PGCKA1: variants seen among roughly 807,000 people sequenced by gnomAD.
PGCKA1 encodes PDCD10 and GCKIII kinases-associated protein 1.
At chr4:37,464,442 C>T in the PGCKA1 span, among the ~76,000 whole-genome samples, 26,302 of 152,150 alleles carry the variant, frequency 0.17, 2,410 homozygotes, top group South Asian at 0.2. Flanking sequence ...GGGACGCTAA[C>T]TACTTCCTCT....
the PGCKA1 span, among the ~76,000 whole-genome samples, chr4:37,493,484 G>A: frequency 6.6e-6 from 1 of 152,118 alleles, no homozygotes; most frequent in Non-Finnish European, 1.5e-5. Flanking sequence ...AGGTGATAGA[G>A]GATTTGTAAC....
At chr4:37,544,314 G>A in the PGCKA1 span, among the ~76,000 whole-genome samples, 58,573 of 151,866 alleles carry the variant, frequency 0.39, 11,718 homozygotes, top group South Asian at 0.47. Context: ...AGTGATGTAT[G>A]TTGATTTTGA....
At chr4:37,463,314 C>T in the PGCKA1 span, among the ~76,000 whole-genome samples, 2 of 152,140 alleles carry the variant, frequency 1.3e-5, no homozygotes, top group African/African-American at 2.4e-5. Context: ...ATGTGACAAA[C>T]GCATTTAATG....
chr4:37,467,944 ACT>A, the PGCKA1 span, among the ~76,000 whole-genome samples: 3 of 152,088 alleles, frequency 2.0e-5, no homozygotes, highest in Non-Finnish European at 4.4e-5. Flanking sequence ...CTTACACAGC[ACT>A]CTCAGGAGCT....
At chr4:37,560,291 C>T in the PGCKA1 span, among the ~76,000 whole-genome samples, 1 of 152,190 alleles carries the variant, frequency 6.6e-6, no homozygotes, top group Non-Finnish European at 1.5e-5. Flanking sequence ...CCTTAGCCAA[C>T]CTCTTGGCCA....
At chr4:37,587,528 T>G in the PGCKA1 span, among the ~76,000 whole-genome samples, 1 of 152,164 alleles carries the variant, frequency 6.6e-6, no homozygotes, top group Non-Finnish European at 1.5e-5. Flanking sequence ...GCAGCATCCC[T>G]GGAAATTCAC....
At chr4:37,511,781 A>G in the PGCKA1 span, among the ~76,000 whole-genome samples, 2 of 152,124 alleles carry the variant, frequency 1.3e-5, no homozygotes, top group African/African-American at 4.8e-5. Flanking sequence ...TGGGTAGGGT[A>G]CTGGTCAGAG....
the PGCKA1 span, among the ~76,000 whole-genome samples, chr4:37,508,691 T>TTTTTTTTTTTTTTTA: frequency 7.2e-6 from 1 of 138,322 alleles, no homozygotes; most frequent in African/African-American, 2.7e-5. Flanking sequence ...ATCTTTTTTT[T>TTTTTTTTTTTTTTTA]AGTATTTATT....
chr4:37,557,832 G>A, the PGCKA1 span, among the ~76,000 whole-genome samples: 4 of 152,164 alleles, frequency 2.6e-5, no homozygotes, highest in African/African-American at 9.7e-5. Flanking sequence ...CAGGAGCTGG[G>A]CTGCAAACCC....
At chr4:37,562,978 T>A in the PGCKA1 span, among the ~76,000 whole-genome samples, 7,202 of 152,252 alleles carry the variant, frequency 0.047, 645 homozygotes, top group African/African-American at 0.16. Context: ...CCGTGCTCAG[T>A]CTTTCCAAGT....
chr4:37,528,318 C>T, the PGCKA1 span, among the ~76,000 whole-genome samples: 6 of 152,208 alleles, frequency 3.9e-5, no homozygotes, highest in Non-Finnish European at 7.3e-5. Context: ...GTAATCACGA[C>T]ATCTAGTGCT....
At chr4:37,583,605 T>A in the PGCKA1 span, among the ~76,000 whole-genome samples, 1 of 151,742 alleles carries the variant, frequency 6.6e-6, no homozygotes, top group Non-Finnish European at 1.5e-5. Flanking sequence ...CCCAGCTAAT[T>A]TTTTTTTATT....
chr4:37,564,808 G>A, the PGCKA1 span, among the ~76,000 whole-genome samples: 25 of 152,138 alleles, frequency 1.6e-4, no homozygotes, highest in East Asian at 3.9e-3. Context: ...TGCCCAGCCC[G>A]GTGTCTGACA....
the PGCKA1 span, among the ~76,000 whole-genome samples, chr4:37,555,994 C>T: frequency 2.0e-5 from 3 of 152,186 alleles, no homozygotes; most frequent in Non-Finnish European, 2.9e-5. Context: ...CTATAGGATG[C>T]ACCACCTGGC....
At chr4:37,486,950 G>A in the PGCKA1 span, among the ~76,000 whole-genome samples, 4 of 152,080 alleles carry the variant, frequency 2.6e-5, no homozygotes, top group African/African-American at 4.8e-5. Flanking sequence ...AGAGCTTTTT[G>A]TTAAACCATA....
chr4:37,513,628 G>A, the PGCKA1 span, among the ~76,000 whole-genome samples: 5 of 152,140 alleles, frequency 3.3e-5, no homozygotes, highest in African/African-American at 1.2e-4. Context: ...GTGGGTGTTA[G>A]GGCTGCAACA....
chr4:37,480,592 G>A, the PGCKA1 span, among the ~76,000 whole-genome samples: 1 of 152,238 alleles, frequency 6.6e-6, no homozygotes, highest in Non-Finnish European at 1.5e-5. Context: ...TTTGTTTTAG[G>A]GTGAGGGGGC....
the PGCKA1 span, among the ~76,000 whole-genome samples, chr4:37,550,326 G>T: frequency 1.3e-5 from 2 of 151,748 alleles, no homozygotes; most frequent in African/African-American, 4.9e-5. Flanking sequence ...GCAAGGAATA[G>T]GGTGCAGTTC....
chr4:37,478,402 G>A, the PGCKA1 span, among the ~76,000 whole-genome samples: 2 of 152,068 alleles, frequency 1.3e-5, no homozygotes, highest in East Asian at 3.9e-4. Flanking sequence ...ATGTAGGTCT[G>A]ACTTGATGTG....
Sources: allele counts gnomAD v4.1 joint callset (sites outside exome capture counted in the v4.1 genomes callset), GRCh38; gene constraint gnomAD v4.1.1; transcripts MANE v1.5; gene names NCBI Gene and HGNC (gene_info 2026-07-23, HGNC 2026-07-21).